RGS17: variants seen among roughly 807,000 people sequenced by gnomAD.
RGS17 encodes regulator of G protein signaling 17.
A neutral mutation model predicts 25.5 loss-of-function variants in RGS17; 12 were observed. That is an observed-to-expected ratio of 0.47 (90% confidence interval 0.30 to 0.76). The LOEUF (loss-of-function observed/expected upper bound fraction) is 0.76. Ranked by LOEUF, RGS17 falls within the 30% of genes least tolerant of loss-of-function variation. The probability of loss-of-function intolerance (pLI) is 0.07; values close to 1 mark genes in which losing one functional copy is unlikely to be tolerated. For synonymous variants in RGS17, 71 were observed against 76.9 expected (o/e 0.92, Z 0.40); for missense variants, 196 against 242.2 (o/e 0.81, Z 1.27).
intron 1 of RGS17, among the ~76,000 whole-genome samples, chr6:153,110,294 T>G (rs1777447889): frequency 6.6e-6 from 1 of 152,156 alleles, no homozygotes; most frequent in African/African-American, 2.4e-5. Flanking sequence ...CTCCAGTCTT[T>G]CCTTTCCTGG....
chr6:153,107,407 T>A (rs1777402024), intron 1 of RGS17, among the ~76,000 whole-genome samples: 1 of 152,244 alleles, frequency 6.6e-6, no homozygotes. Context: ...TGTAGTTATG[T>A]CTGAAATGTC....
chr6:153,063,254 T>C (rs1026462795), intron 1 of RGS17, among the ~76,000 whole-genome samples: 1 of 152,150 alleles, frequency 6.6e-6, no homozygotes, highest in African/African-American at 2.4e-5. Flanking sequence ...AGGATTAATC[T>C]TGAAGAAACA....
At chr6:153,029,998 T>TA in intron 2 of RGS17, among the ~76,000 whole-genome samples, 1 of 152,344 alleles carries the variant, frequency 6.6e-6, no homozygotes, top group Middle Eastern at 3.4e-3. Flanking sequence ...ACTAAACACA[T>TA]ACACAGTGCT....
intron 2 of RGS17, among the ~76,000 whole-genome samples, chr6:153,034,497 G>A (rs1365977609): frequency 6.6e-6 from 1 of 152,200 alleles, no homozygotes; most frequent in Non-Finnish European, 1.5e-5. Context: ...CCTGAGACTT[G>A]TAAAGGGACA....
intron 4 of RGS17, among the ~76,000 whole-genome samples, chr6:153,016,424 A>G (rs866345908): frequency 1.3e-5 from 2 of 152,140 alleles, no homozygotes; most frequent in East Asian, 1.9e-4. Flanking sequence ...ATAGAGCAGG[A>G]AACCTTACAT....
chr6:153,034,038 G>T (rs1776201060), intron 2 of RGS17, among the ~76,000 whole-genome samples: 1 of 152,180 alleles, frequency 6.6e-6, no homozygotes, highest in Non-Finnish European at 1.5e-5. Flanking sequence ...AGAAGGCTGG[G>T]TCCCTATCAT....
At chr6:153,054,947 T>C (rs548475047) in intron 1 of RGS17, among the ~76,000 whole-genome samples, 92 of 152,348 alleles carry the variant, frequency 6.0e-4, no homozygotes, top group African/African-American at 2.1e-3. Context: ...CAGCATCTTA[T>C]CTGTGTTTCC....
intron 2 of RGS17, among the ~76,000 whole-genome samples, chr6:153,028,214 G>A (rs1448899028): frequency 3.3e-5 from 5 of 152,140 alleles, no homozygotes; most frequent in African/African-American, 1.2e-4. Flanking sequence ...CTAGGGACAG[G>A]GGCAGGTTTA....
chr6:153,020,138 A>ATTTT (rs35590788), intron 4 of RGS17, among the ~76,000 whole-genome samples: 3 of 39,284 alleles, frequency 7.6e-5, no homozygotes, highest in African/African-American at 3.5e-4. Flanking sequence ...ATATATATAT[A>ATTTT]TTTTTTTTTT....
At chr6:153,050,186 A>C (rs1351539458) in intron 1 of RGS17, among the ~76,000 whole-genome samples, 4 of 152,246 alleles carry the variant, frequency 2.6e-5, no homozygotes, top group Non-Finnish European at 5.9e-5. Context: ...TAAAACTGTC[A>C]TAAAAACGTA....
intron 1 of RGS17, among the ~76,000 whole-genome samples, chr6:153,103,582 G>A (rs1440328253): frequency 6.6e-6 from 1 of 152,206 alleles, no homozygotes; most frequent in Non-Finnish European, 1.5e-5. Context: ...AAAGGCAAGA[G>A]AAAGTGTAAA....
intron 1 of RGS17, among the ~76,000 whole-genome samples, chr6:153,110,052 A>C (rs556663056): frequency 3.9e-5 from 6 of 152,352 alleles, no homozygotes; most frequent in Non-Finnish European, 8.8e-5. Flanking sequence ...AATACAATTG[A>C]TATTCTAGGA....
chr6:153,018,394 CTT>C (rs748430661), intron 4 of RGS17, among the ~76,000 whole-genome samples: 2 of 152,144 alleles, frequency 1.3e-5, no homozygotes, highest in Non-Finnish European at 2.9e-5. Flanking sequence ...CATTTCACCT[CTT>C]TGAGTATCAG....
In RGS17 at chr6:153,076,507, C is replaced by T. The variant is rs376408945; in HGVS notation, c.-25-32464G>A. Among the ~76,000 whole-genome samples, 57 of 152,168 alleles carry T rather than the reference C, an allele frequency of 3.7e-4. 8 individuals carry two copies. The highest frequency in any genetic ancestry group is 2.1e-3 in the Admixed American group (32 of 15,278). On this transcript the variant is annotated intron_variant, in intron 1 of 4. Transcript: ENST00000206262. ...GAACATATATAGAGTATCTGGATCCCGGGTTCTAAATACCATTCCCCACAA... is the reference window on the plus strand; with the variant it reads ...GAACATATATAGAGTATCTGGATCCTGGGTTCTAAATACCATTCCCCACAA...
chr6:153,020,138 ATTTTTTTTTTTTTTTT>A (rs35590788), intron 4 of RGS17, among the ~76,000 whole-genome samples: 52 of 39,250 alleles, frequency 1.3e-3, no homozygotes, highest in African/African-American at 5.0e-3. Flanking sequence ...ATATATATAT[ATTTTTTTTTTTTTTTT>A]TTTTTTTTTT....
chr6:153,021,876 G>A (rs1779251183), intron 4 of RGS17, among the ~76,000 whole-genome samples: 1 of 152,148 alleles, frequency 6.6e-6, no homozygotes, highest in Non-Finnish European at 1.5e-5. Flanking sequence ...TGAGATTTTA[G>A]TGACTTTCTG....
intron 1 of RGS17, among the ~76,000 whole-genome samples, chr6:153,114,027 A>G (rs1001043315): frequency 4.6e-5 from 7 of 152,186 alleles, no homozygotes; most frequent in African/African-American, 1.4e-4. Context: ...AGAACTAGAG[A>G]GGCAAGAGCA....
intron 1 of RGS17, among the ~76,000 whole-genome samples, chr6:153,128,965 T>C (rs566975026): frequency 3.0e-4 from 45 of 152,302 alleles, no homozygotes; most frequent in African/African-American, 1.0e-3. Flanking sequence ...TCGAAATCAA[T>C]CAGCATAACA....
chr6:153,074,231 A>T (rs779687541), intron 1 of RGS17, among the ~76,000 whole-genome samples: 5 of 152,150 alleles, frequency 3.3e-5, no homozygotes, highest in Non-Finnish European at 5.9e-5. Flanking sequence ...TCCAAAACTG[A>T]TCGTGTTTTC....
Sources: gnomAD v4.1 joint callset for allele counts (sites outside exome capture counted in the v4.1 genomes callset) on GRCh38, gnomAD v4.1.1 for gene constraint, MANE v1.5 for transcripts, NCBI Gene and HGNC (gene_info 2026-07-23, HGNC 2026-07-21) for gene names.